PHLPP1: variants seen among roughly 807,000 people sequenced by gnomAD.
PHLPP1 encodes PH domain and leucine rich repeat protein phosphatase 1, also known as PH domain leucine-rich repeat-containing protein phosphatase 1.
PHLPP1 carries 42 observed loss-of-function variants against 117.2 expected under a neutral mutation model. The ratio of observed to expected loss-of-function variants is 0.36; its 90% CI spans 0.28 to 0.46. The LOEUF (loss-of-function observed/expected upper bound fraction) is 0.46. PHLPP1 is among the 20% of genes least tolerant of loss of function. The pLI, the probability that PHLPP1 is intolerant of heterozygous loss-of-function variation, is 1.00. For synonymous variants in PHLPP1, 1,042 were observed against 970.7 expected (o/e 1.07, Z -1.37); for missense variants, 2,084 against 2,241.9 (o/e 0.93, Z 1.42).
intron 4 of PHLPP1, among the ~76,000 whole-genome samples, chr18:62,887,757 A>G (rs1244726133): frequency 1.3e-5 from 2 of 151,876 alleles, no homozygotes; most frequent in Middle Eastern, 3.4e-3. Flanking sequence ...TTCTTTTTTT[A>G]GGTAGAGTCT....
intron 14 of PHLPP1, among the ~76,000 whole-genome samples, chr18:62,971,745 GTCATTTGAAGGC>G (rs1911054494): frequency 6.6e-6 from 1 of 152,122 alleles, no homozygotes. Flanking sequence ...TTTTAAAAAG[GTCATTTGAAGGC>G]TGGACATAGT....
intron 4 of PHLPP1, among the ~76,000 whole-genome samples, chr18:62,876,229 A>T (rs1194937113): frequency 1.3e-5 from 2 of 152,212 alleles, no homozygotes; most frequent in African/African-American, 4.8e-5. Context: ...TTCTAAAAAA[A>T]AATCTATGGT....
intron 3 of PHLPP1, among the ~76,000 whole-genome samples, chr18:62,847,082 A>C (rs2144348534): frequency 6.6e-6 from 1 of 152,344 alleles, no homozygotes; most frequent in African/African-American, 2.4e-5. Context: ...AAAGATACCT[A>C]GTTTGCTTAT....
chr18:62,896,286 G>T (rs1429506097), intron 6 of PHLPP1, among the ~76,000 whole-genome samples: 5 of 133,898 alleles, frequency 3.7e-5, no homozygotes, highest in South Asian at 4.6e-4. Context: ...TGTTTTTTTT[G>T]TTGTTCTTGT....
At chr18:62,730,626 A>C (rs975964834) in intron 1 of PHLPP1, among the ~76,000 whole-genome samples, 1 of 152,276 alleles carries the variant, frequency 6.6e-6, no homozygotes, top group Non-Finnish European at 1.5e-5. Context: ...GTTCGAGACC[A>C]GTCTGGCTAA....
chr18:62,905,602 A>T (rs1352749289), intron 8 of PHLPP1, among the ~76,000 whole-genome samples: 1 of 152,090 alleles, frequency 6.6e-6, no homozygotes, highest in East Asian at 1.9e-4. Context: ...TCTTTCCCTG[A>T]AGTAATGTTA....
intron 7 of PHLPP1, 130 bp downstream of exon 7, chr18:62,903,296 G>A: frequency 4.5e-6 from 3 of 660,654 alleles, no homozygotes; most frequent in Non-Finnish European, 7.6e-6. Context: ...TAAAATAAAA[G>A]TCACAAAAGA....
In PHLPP1 at chr18:62,761,768, C is replaced by A. The variant is rs184767925; in HGVS notation, c.1576+44509C>A. Reference sequence around the variant, plus strand: ...ACTGAATTTGATACATTTCTGTAAGCATTTTTCTTTTTTTAAAAAAATAAT... The same window carrying A: ...ACTGAATTTGATACATTTCTGTAAGAATTTTTCTTTTTTTAAAAAAATAAT... On this transcript the variant is annotated intron_variant, in intron 1 of 16. Transcript: ENST00000262719. Among the ~76,000 whole-genome samples, 120 of 151,918 alleles carry A rather than the reference C, an allele frequency of 7.9e-4. 1 individual carries two copies. Among genetic ancestry groups the A allele is most frequent in the Non-Finnish European group, 1.5e-3 (103 of 67,944 alleles).
chr18:62,949,065 G>A (rs143800052), intron 12 of PHLPP1, among the ~76,000 whole-genome samples: 132 of 152,078 alleles, frequency 8.7e-4, no homozygotes, highest in African/African-American at 2.9e-3. Flanking sequence ...TTTTATTATT[G>A]AGTTAATAAC....
intron 10 of PHLPP1, among the ~76,000 whole-genome samples, chr18:62,937,661 T>C (rs1910014070): frequency 6.6e-6 from 1 of 152,252 alleles, no homozygotes; most frequent in African/African-American, 2.4e-5. Context: ...CTTTGAGTTT[T>C]GTCTTTCGTG....
At chr18:62,925,426 T>G (rs1475701695) in intron 10 of PHLPP1, among the ~76,000 whole-genome samples, 2 of 152,176 alleles carry the variant, frequency 1.3e-5, no homozygotes, top group Non-Finnish European at 2.9e-5. Flanking sequence ...GGGAAGTGTA[T>G]GTTCAAATGA....
At chr18:62,727,980 T>C (rs1470034657) in intron 1 of PHLPP1, among the ~76,000 whole-genome samples, 2 of 152,078 alleles carry the variant, frequency 1.3e-5, no homozygotes, top group African/African-American at 4.8e-5. Context: ...TTTTTCACCC[T>C]TTACGTATTA....
chr18:62,834,036 T>C (rs1372444471), intron 2 of PHLPP1, among the ~76,000 whole-genome samples: 4 of 152,082 alleles, frequency 2.6e-5, no homozygotes, highest in African/African-American at 7.2e-5. Context: ...ACCCCTCTTT[T>C]CCCCCCAATC....
intron 9 of PHLPP1, 64 bp from the exon 10 acceptor site, chr18:62,919,895 A>G: frequency 8.6e-7 from 1 of 1,166,734 alleles, no homozygotes; most frequent in Non-Finnish European, 1.2e-6. Context: ...TGATTTTTGG[A>G]GAGGTAATTT....
chr18:62,756,635 A>T (rs1002459498), intron 1 of PHLPP1, among the ~76,000 whole-genome samples: 1 of 152,182 alleles, frequency 6.6e-6, no homozygotes, highest in African/African-American at 2.4e-5. Context: ...GCGGTTCTAC[A>T]TAACACTTTT....
At chr18:62,826,949 G>A (rs1411886722) in intron 1 of PHLPP1, among the ~76,000 whole-genome samples, 2 of 152,174 alleles carry the variant, frequency 1.3e-5, no homozygotes, top group South Asian at 2.1e-4. Context: ...TCAGTGAGCC[G>A]AGATCATGCC....
At position 62,825,311 on chromosome 18, in the gene PHLPP1, T is replaced by C. The variant is rs535968015; in HGVS notation, c.1577-4724T>C. 4 of 151,266 alleles carry C rather than the reference T, an allele frequency of 2.6e-5. No homozygotes were observed. The South Asian group carries it at 8.3e-4, about 31-fold the overall frequency. 9.4% of individuals were successfully genotyped at this position (151,266 alleles called of 1,614,324 possible). ...TACTTTTTGGTTAAGATGTTAGTTT[T>C]GGCTTTCTGATGTAAAATTGTAAAT... is the stretch of plus-strand genomic sequence containing the variant. On this transcript the variant is annotated intron_variant, in intron 1 of 16. Coordinates refer to ENST00000262719, the MANE Select transcript of PHLPP1 (RefSeq NM_194449.4).
At chr18:62,889,263 A>G (rs1014267294) in intron 4 of PHLPP1, among the ~76,000 whole-genome samples, 1 of 152,186 alleles carries the variant, frequency 6.6e-6, no homozygotes, top group African/African-American at 2.4e-5. Flanking sequence ...TGGGGAATGT[A>G]GTGAGAAGGA....
intron 3 of PHLPP1, among the ~76,000 whole-genome samples, chr18:62,858,564 A>G (rs1411899012): frequency 6.6e-6 from 1 of 152,150 alleles, no homozygotes; most frequent in Non-Finnish European, 1.5e-5. Flanking sequence ...TACCTGATCT[A>G]GCAGAACATA....
Sources: allele counts gnomAD v4.1 joint callset (sites outside exome capture counted in the v4.1 genomes callset), GRCh38; gene constraint gnomAD v4.1.1; transcripts MANE v1.5; gene names NCBI Gene and HGNC (gene_info 2026-07-23, HGNC 2026-07-21).